Variants in NBEA observed in about 807,000 individuals in gnomAD.
NBEA encodes the protein neurobeachin.
A neutral mutation model predicts 343.4 loss-of-function variants in NBEA; 44 were observed. The ratio of observed to expected loss-of-function variants is 0.13; its 90% CI spans 0.10 to 0.16. The LOEUF (loss-of-function observed/expected upper bound fraction) is 0.16. Among genes scored for constraint, NBEA ranks in the 10% least tolerant of loss-of-function variants. The pLI, the probability that NBEA is intolerant of heterozygous loss-of-function variation, is 1.00. For missense variants in NBEA, 2,555 were observed against 3,631.3 expected, an observed-to-expected ratio of 0.70 and a Z score of 7.62; for synonymous variants, 1,175 against 1,238.7, an observed-to-expected ratio of 0.95 and a Z score of 1.08.
At chr13:35,485,675 C>A (rs1368182333) in intron 41 of NBEA, among the ~76,000 whole-genome samples, 2 of 152,038 alleles carry the variant, frequency 1.3e-5, no homozygotes, top group Admixed American at 1.3e-4. Context: ...GACAAATGCC[C>A]CTCTCTATGC....
Position 35,211,068 on chromosome 13 carries a change from G to C in NBEA, c.5537G>C (p.Gly1846Ala). Residue 1846 changes from glycine to alanine, a missense_variant, in exon 33 of 59, where the codon GGG becomes GCG. Physicochemically the swap from Gly to Ala is moderately conservative, Grantham distance 60. Around this residue, in one of 21 missense-constraint regions of NBEA, gnomAD observed 84 missense variants for 196.4 expected, o/e 0.43. Transcript: ENST00000379939. ...MINTTGAVDSGSSSSSSSSSF... is the reference protein window; with the variant it reads ...MINTTGAVDSASSSSSSSSSF... ...TTGGGAACAGGTGCCGTGGATTCAG[G>C]GTCCTCCTCCTCTTCCTCCTCTTCT... 6.4e-7 allele frequency: 1 copy of C among 1,550,496 alleles called. No individual in the cohort carries two copies. Among genetic ancestry groups the C allele is most frequent in the Non-Finnish European group, 8.7e-7 (1 of 1,146,406 alleles).
At chr13:35,376,647 C>T (rs1306613943) in intron 38 of NBEA, among the ~76,000 whole-genome samples, 4 of 151,992 alleles carry the variant, frequency 2.6e-5, no homozygotes, top group South Asian at 4.2e-4. Context: ...TCTAGGAGGC[C>T]GGAGTCTTAG....
intron 38 of NBEA, among the ~76,000 whole-genome samples, chr13:35,359,112 A>G (rs1483740089): frequency 7.2e-5 from 11 of 152,338 alleles, no homozygotes; most frequent in Admixed American, 6.5e-4. Flanking sequence ...TGAAAAGCAA[A>G]GAAGTATTTG....
intron 37 of NBEA, among the ~76,000 whole-genome samples, chr13:35,350,719 G>T (rs1362932721): frequency 6.9e-6 from 1 of 145,432 alleles, no homozygotes; most frequent in East Asian, 2.0e-4. Flanking sequence ...TTTTGGGTTA[G>T]AGCTATTGAT....
At chr13:35,103,321 T>C (rs2065746223) in intron 11 of NBEA, among the ~76,000 whole-genome samples, 1 of 151,812 alleles carries the variant, frequency 6.6e-6, no homozygotes. Flanking sequence ...TGTGATTATT[T>C]CTCAGTTCTT....
rs139865699 is a variant in NBEA at position 35,479,626 on chromosome 13, A to T, written c.6585+7090A>T. Among the ~76,000 whole-genome samples the T allele has an allele frequency of 6.2e-4, 95 of 152,352 alleles. No homozygotes were observed. The East Asian group carries it at 0.016, about 26-fold the overall frequency. On this transcript the variant is annotated intron_variant, in intron 41 of 58. Transcript: ENST00000379939. ...ACTATTTTTCAGTGAATTTTAAAAA[A>T]ATATCATTTGACCTATTAAACTAGT...
chr13:35,016,364 G>A (rs573989939), intron 1 of NBEA, among the ~76,000 whole-genome samples: 1 of 152,074 alleles, frequency 6.6e-6, no homozygotes, highest in Admixed American at 6.6e-5. Flanking sequence ...TAGAATCTGA[G>A]TATTACATCT....
intron 27 of NBEA, among the ~76,000 whole-genome samples, chr13:35,176,393 T>C (rs929302955): frequency 2.6e-5 from 4 of 152,204 alleles, no homozygotes; most frequent in South Asian, 2.1e-4. Context: ...AAGTACTTGA[T>C]TGAGTTTCAG....
Position 35,480,759 on chromosome 13 carries a change from A to G in NBEA, c.6585+8223A>G, listed in dbSNP as rs547561066. ...TTTCTTTTTTTACACTAGAGAAATT[A>G]AAGACAGATATTTGTGCAGGGTTTT... is the stretch of plus-strand genomic sequence containing the variant. On this transcript the variant is annotated intron_variant, in intron 41 of 58. Coordinates refer to ENST00000379939, the MANE Select transcript of NBEA (RefSeq NM_001385012.1). Among the ~76,000 whole-genome samples the G allele has an allele frequency of 2.6e-5, 4 of 152,102 alleles. No individual in the cohort carries two copies. In the South Asian group the frequency reaches 6.2e-4, roughly 24 times the overall value.
intron 36 of NBEA, among the ~76,000 whole-genome samples, chr13:35,323,074 T>G (rs1257135484): frequency 6.6e-6 from 1 of 152,100 alleles, no homozygotes; most frequent in Admixed American, 6.5e-5. Flanking sequence ...GGTCTCGAAC[T>G]CCTGAAATTA....
At position 35,528,288 on chromosome 13, in the gene NBEA, T is replaced by A. The variant is rs959709150; in HGVS notation, c.6586-22189T>A. Reference sequence around the variant, plus strand: ...TAATCAAACTCTGTTTGTCTTTTTTTGTTCTCTTTCTGTGTGTTGATGCCA... The same window carrying A: ...TAATCAAACTCTGTTTGTCTTTTTTAGTTCTCTTTCTGTGTGTTGATGCCA... On this transcript the variant is annotated intron_variant, in intron 41 of 58. Transcript: ENST00000379939. 1.2e-4 allele frequency among the ~76,000 whole-genome samples: 19 copies of A among 152,252 alleles called. 2 individuals are homozygous for A. Among genetic ancestry groups the A allele is most frequent in the Admixed American group, 1.2e-3 (19 of 15,290 alleles).
intron 36 of NBEA, among the ~76,000 whole-genome samples, chr13:35,326,043 G>C (rs1306455291): frequency 6.6e-6 from 1 of 152,088 alleles, no homozygotes; most frequent in Non-Finnish European, 1.5e-5. Context: ...ACACCATGCT[G>C]TTTTGGTTAC....
chr13:35,088,732 C>A (rs1325118495), intron 10 of NBEA, among the ~76,000 whole-genome samples: 5 of 151,546 alleles, frequency 3.3e-5, no homozygotes. Context: ...TGGAACAGAA[C>A]AGAGCCCTCA....
chr13:35,512,310 AT>A (rs2077305948), intron 41 of NBEA, among the ~76,000 whole-genome samples: 1 of 152,196 alleles, frequency 6.6e-6, no homozygotes, highest in Non-Finnish European at 1.5e-5. Context: ...GTATCCTGGG[AT>A]TAAACCTGAA....
At chr13:35,087,169 C>G (rs1238174388) in intron 10 of NBEA, among the ~76,000 whole-genome samples, 2 of 151,400 alleles carry the variant, frequency 1.3e-5, no homozygotes, top group African/African-American at 2.4e-5. Flanking sequence ...TCTCATTTGT[C>G]TATTTTTATT....
At chr13:34,978,163 C>A (rs538030274) in intron 1 of NBEA, among the ~76,000 whole-genome samples, 1 of 152,206 alleles carries the variant, frequency 6.6e-6, no homozygotes, top group South Asian at 2.1e-4. Flanking sequence ...CTAAGCAGTG[C>A]TGATCAAAAA....
At chr13:35,646,044 A>T in intron 50 of NBEA, 113 bp downstream of exon 50, 3 of 739,624 alleles carry the variant, frequency 4.1e-6, no homozygotes, top group Non-Finnish European at 6.7e-6. Flanking sequence ...AAGAATAGTG[A>T]CTGGGTTAAC....
chr13:34,982,063 A>G (rs1417560244), intron 1 of NBEA, among the ~76,000 whole-genome samples: 1 of 151,548 alleles, frequency 6.6e-6, no homozygotes, highest in Non-Finnish European at 1.5e-5. Context: ...TTTGTTTTTT[A>G]TTTTATTAAT....
chr13:35,055,122 A>C (rs556994221), intron 6 of NBEA, among the ~76,000 whole-genome samples: 4 of 152,272 alleles, frequency 2.6e-5, no homozygotes, highest in African/African-American at 9.6e-5. Flanking sequence ...TTTGTATTTT[A>C]TATTTTGGTG....
Sources: allele counts gnomAD v4.1 joint callset (sites outside exome capture counted in the v4.1 genomes callset), GRCh38; gene constraint gnomAD v4.1.1; regional missense constraint gnomAD v4.1.1; transcripts MANE v1.5; gene names NCBI Gene and HGNC (gene_info 2026-07-23, HGNC 2026-07-21).